The following MEI4 variants were observed in gnomAD, a reference collection of about 807,000 sequenced individuals.
MEI4 encodes meiotic double-stranded break formation protein 4.
A neutral mutation model predicts 31.4 loss-of-function variants in MEI4; 27 were observed. That is an observed-to-expected ratio of 0.86 (90% CI 0.63 to 1.19). The LOEUF is 1.19. Ranked by LOEUF, MEI4 falls within the 50% of genes most tolerant of loss-of-function variation. The pLI is 0.00. For missense variants in MEI4, 329 were observed against 398.9 expected, an observed-to-expected ratio of 0.82 and a Z score of 1.49; for synonymous variants, 122 against 145.4, an observed-to-expected ratio of 0.84 and a Z score of 1.16.
At chr6:77,774,057 T>C (rs1313110309) in intron 3 of MEI4, among the ~76,000 whole-genome samples, 3 of 152,134 alleles carry the variant, frequency 2.0e-5, no homozygotes, top group African/African-American at 7.2e-5. Context: ...CCTTGTACAC[T>C]GTTGGTGTAA....
intron 4 of MEI4, among the ~76,000 whole-genome samples, chr6:77,871,274 G>T (rs1463621535): frequency 1.3e-5 from 2 of 152,004 alleles, no homozygotes. Context: ...GACCCCTCGT[G>T]TTCTTTCTTC....
chr6:77,772,895 A>G (rs764322808), intron 3 of MEI4, among the ~76,000 whole-genome samples: 3 of 152,032 alleles, frequency 2.0e-5, no homozygotes, highest in Non-Finnish European at 2.9e-5. Flanking sequence ...TAGCATTTCT[A>G]TATGCCAACA....
chr6:77,651,495 T>C (rs1768298165), upstream of MEI4, among the ~76,000 whole-genome samples: 1 of 152,248 alleles, frequency 6.6e-6, no homozygotes. Flanking sequence ...AATATATTGT[T>C]CAATAGCAAC....
In MEI4 at chr6:77,849,464, C is replaced by T. The variant is rs143525809; in HGVS notation, c.900+20402C>T. On this transcript the variant is annotated intron_variant, in intron 4 of 4. Coordinates refer to ENST00000684080, the MANE Select transcript of MEI4 (RefSeq NM_001322247.2). Reference sequence around the variant, plus strand: ...ACAGGAGCATAACTGCATTTCTGTTCGCTCTGAGCAAAAGCACATTTCATC... The same window carrying T: ...ACAGGAGCATAACTGCATTTCTGTTTGCTCTGAGCAAAAGCACATTTCATC... 1.5e-3 allele frequency among the ~76,000 whole-genome samples: 224 copies of T among 152,206 alleles called. 1 individual carries two copies. The highest frequency in any genetic ancestry group is 4.5e-3 in the African/African-American group (187 of 41,532).
At chr6:77,687,472 A>G (rs1223695100) in intron 1 of MEI4, among the ~76,000 whole-genome samples, 1 of 152,076 alleles carries the variant, frequency 6.6e-6, no homozygotes, top group Non-Finnish European at 1.5e-5. Context: ...TCAACAGTTC[A>G]CCTCAATTCT....
Position 77,923,343 on chromosome 6 carries a change from A to G in MEI4, c.1155A>G (p.Lys385=), listed in dbSNP as rs1329692706. Residue 385 remains lysine, a synonymous_variant, in exon 5 of 5, where the codon AAA becomes AAG. Transcript: ENST00000684080. ...CAGCACAGATAGAAACTCTTAGAAA[A>G]TAACTCCATTCCTTAGCAATTTACC... The part of the protein sequence containing the change: ...LSSAQIETLR[K] 8.1e-7 allele frequency: 1 copy of G among 1,229,758 alleles called. No homozygotes were observed. The highest frequency in any genetic ancestry group is 1.0e-6 in the Non-Finnish European group (1 of 986,276). The allele number at this position is 1,229,758 out of a possible 1,614,324, so 76.2% of individuals were successfully genotyped here.
chr6:77,715,655 G>A (rs182285138), intron 2 of MEI4, among the ~76,000 whole-genome samples: 1 of 152,222 alleles, frequency 6.6e-6, no homozygotes, highest in East Asian at 1.9e-4. Flanking sequence ...TGTACTTACA[G>A]AGTTCTCATT....
intron 4 of MEI4, among the ~76,000 whole-genome samples, chr6:77,863,487 T>C (rs1770928478): frequency 6.6e-6 from 1 of 151,930 alleles, no homozygotes; most frequent in Non-Finnish European, 1.5e-5. Context: ...GTATCAGTGA[T>C]GGAAGATCAA....
chr6:77,791,242 T>C (rs2127695975), intron 3 of MEI4, among the ~76,000 whole-genome samples: 1 of 152,234 alleles, frequency 6.6e-6, no homozygotes, highest in East Asian at 1.9e-4. Context: ...GTATGTTTAT[T>C]GCGGCATTAT....
At chr6:77,788,252 T>C (rs1768804553) in intron 3 of MEI4, among the ~76,000 whole-genome samples, 1 of 152,140 alleles carries the variant, frequency 6.6e-6, no homozygotes, top group Non-Finnish European at 1.5e-5. Context: ...GGGATGTACC[T>C]CAAAATAATA....
chr6:77,678,147 A>C (rs1412262525), intron 1 of MEI4, among the ~76,000 whole-genome samples: 3 of 152,222 alleles, frequency 2.0e-5, no homozygotes, highest in Non-Finnish European at 4.4e-5. Flanking sequence ...TTATGCTATT[A>C]TCAGTAAAAC....
intron 4 of MEI4, among the ~76,000 whole-genome samples, chr6:77,864,233 T>C (rs1195722215): frequency 6.6e-6 from 1 of 152,082 alleles, no homozygotes; most frequent in African/African-American, 2.4e-5. Context: ...TATAAAAACA[T>C]TAACCTTAAA....
chr6:77,842,295 G>A (rs1770384149), intron 4 of MEI4, among the ~76,000 whole-genome samples: 1 of 152,030 alleles, frequency 6.6e-6, no homozygotes. Context: ...GAAATAAACA[G>A]TACATTTCTA....
intron 2 of MEI4, among the ~76,000 whole-genome samples, chr6:77,741,753 A>C (rs1006045328): frequency 2.0e-4 from 28 of 142,828 alleles, no homozygotes; most frequent in Non-Finnish European, 3.1e-5. Context: ...ATATCTCCTA[A>C]TGCTATCCCT....
chr6:77,893,969 C>CAAAAAA (rs1361522655), intron 4 of MEI4, among the ~76,000 whole-genome samples: 1 of 151,842 alleles, frequency 6.6e-6, no homozygotes, highest in Admixed American at 6.6e-5. Flanking sequence ...GAATCTAAAA[C>CAAAAAA]AAAAGTTGAA....
chr6:77,920,172 C>A (rs1327929011), intron 4 of MEI4, among the ~76,000 whole-genome samples: 1 of 151,266 alleles, frequency 6.6e-6, no homozygotes. Context: ...ATTCTGATAC[C>A]AAAGCCTGGC....
intron 4 of MEI4, among the ~76,000 whole-genome samples, chr6:77,914,242 T>C (rs923784913): frequency 2.0e-5 from 3 of 151,974 alleles, no homozygotes; most frequent in Non-Finnish European, 4.4e-5. Flanking sequence ...TACTATAAAC[T>C]TTCCTTTCAG....
At chr6:77,874,213 A>G (rs1209588027) in intron 4 of MEI4, among the ~76,000 whole-genome samples, 1 of 152,110 alleles carries the variant, frequency 6.6e-6, no homozygotes, top group East Asian at 1.9e-4. Flanking sequence ...CCATTTTCAC[A>G]ATATTGATTC....
intron 2 of MEI4, among the ~76,000 whole-genome samples, chr6:77,741,967 G>A (rs1222180240): frequency 6.6e-6 from 1 of 151,822 alleles, no homozygotes; most frequent in Non-Finnish European, 1.5e-5. Context: ...TTTTATGGCT[G>A]CATAGTACTC....
Sources: allele counts gnomAD v4.1 joint callset (sites outside exome capture counted in the v4.1 genomes callset), GRCh38; gene constraint gnomAD v4.1.1; transcripts MANE v1.5; gene names NCBI Gene and HGNC (gene_info 2026-07-23, HGNC 2026-07-21).